The following MSRA variants were observed in gnomAD, a reference collection of about 807,000 sequenced individuals.
MSRA encodes methionine sulfoxide reductase A, also known as mitochondrial peptide methionine sulfoxide reductase.
In MSRA, 54 loss-of-function variants were observed where a neutral mutation model predicts 31.3. The ratio of observed to expected loss-of-function variants is 1.73; its 90% CI spans 1.39 to 2.17. The LOEUF (loss-of-function observed/expected upper bound fraction) is 2.17, where lower values mean the gene tolerates loss of function less well. Ranked by LOEUF, MSRA falls within the 30% of genes most tolerant of loss-of-function variation. MSRA has a pLI of 0.00. For synonymous variants in MSRA, 169 were observed against 116.5 expected (o/e 1.45, Z -2.90); for missense variants, 507 against 300.9 (o/e 1.69, Z -5.07).
At chr8:10,425,464 C>T (rs1226394901) in intron 5 of MSRA, among the ~76,000 whole-genome samples, 2 of 152,232 alleles carry the variant, frequency 1.3e-5, no homozygotes, top group African/African-American at 2.4e-5. Flanking sequence ...GGGAGGTGGG[C>T]AGTGGCGCTG....
At chr8:10,343,421 A>G (rs775511239) in intron 5 of MSRA, among the ~76,000 whole-genome samples, 29 of 152,220 alleles carry the variant, frequency 1.9e-4, no homozygotes, top group Non-Finnish European at 3.8e-4. Context: ...GTAGTATTGC[A>G]GTTGAATAAC....
chr8:10,250,655 G>A (rs1179844694), intron 3 of MSRA: 3 of 596,514 alleles, frequency 5.0e-6, no homozygotes, highest in Non-Finnish European at 9.0e-6. Flanking sequence ...CCAGGTGTGG[G>A]AAGAGCGGAG....
chr8:10,294,425 C>T (rs1030529822), intron 3 of MSRA, among the ~76,000 whole-genome samples: 2 of 152,068 alleles, frequency 1.3e-5, no homozygotes, highest in African/African-American at 2.4e-5. Context: ...CAGGACAGTC[C>T]CCTGAGGTGG....
intron 1 of MSRA, among the ~76,000 whole-genome samples, chr8:10,068,575 A>G (rs1797576048): frequency 6.6e-6 from 1 of 152,146 alleles, no homozygotes; most frequent in South Asian, 2.1e-4. Flanking sequence ...TCTTTTCTCC[A>G]TCGTATTGCC....
chr8:10,293,089 G>A (rs957595172), intron 3 of MSRA, among the ~76,000 whole-genome samples: 1 of 152,144 alleles, frequency 6.6e-6, no homozygotes. Flanking sequence ...CAGTAAAATG[G>A]ACATAGGAGC....
chr8:10,357,429 A>G (rs1003901869), intron 5 of MSRA, among the ~76,000 whole-genome samples: 2 of 152,186 alleles, frequency 1.3e-5, no homozygotes, highest in African/African-American at 4.8e-5. Context: ...GTCGTTTTCA[A>G]TAATATTATG....
chr8:10,370,918 G>C (rs1323824155), intron 5 of MSRA, among the ~76,000 whole-genome samples: 2 of 152,188 alleles, frequency 1.3e-5, no homozygotes, highest in African/African-American at 4.8e-5. Context: ...TTTTGTTCTG[G>C]GACGTGCTGT....
chr8:10,204,814 C>G (rs1437465236), intron 1 of MSRA, among the ~76,000 whole-genome samples: 1 of 152,192 alleles, frequency 6.6e-6, no homozygotes, highest in East Asian at 1.9e-4. Flanking sequence ...TTAACAAATA[C>G]TCATCAAATG....
intron 1 of MSRA, among the ~76,000 whole-genome samples, chr8:10,104,690 C>CTG (rs1352150969): frequency 6.6e-6 from 1 of 152,066 alleles, no homozygotes; most frequent in African/African-American, 2.4e-5. Flanking sequence ...GACTTAAGGT[C>CTG]TGTGTTGATA....
chr8:10,250,708 T>A, intron 3 of MSRA: 1 of 535,770 alleles, frequency 1.9e-6, no homozygotes, highest in Non-Finnish European at 3.3e-6. Context: ...GTGATGGAAC[T>A]GACTGTATGG....
intron 1 of MSRA, among the ~76,000 whole-genome samples, chr8:10,134,741 C>G (rs1802146742): frequency 6.6e-6 from 1 of 152,238 alleles, no homozygotes; most frequent in South Asian, 2.1e-4. Flanking sequence ...GGGCAGTCTT[C>G]TCCTATGGCA....
At chr8:10,185,435 A>G (rs1806947980) in intron 1 of MSRA, among the ~76,000 whole-genome samples, 1 of 152,110 alleles carries the variant, frequency 6.6e-6, no homozygotes. Context: ...GTGGGGTAAG[A>G]TGGACAACCC....
intron 4 of MSRA, among the ~76,000 whole-genome samples, chr8:10,311,771 G>C (rs988118778): frequency 6.6e-6 from 1 of 152,038 alleles, no homozygotes; most frequent in Admixed American, 6.5e-5. Context: ...AAAAAAACTA[G>C]CTGGGCATGG....
chr8:10,094,401 C>A (rs928814325), intron 1 of MSRA, among the ~76,000 whole-genome samples: 1 of 152,206 alleles, frequency 6.6e-6, no homozygotes, highest in Non-Finnish European at 1.5e-5. Context: ...GAAGATGACA[C>A]ATTTGATTGG....
chr8:10,087,284 C>T (rs539077827), intron 1 of MSRA, among the ~76,000 whole-genome samples: 34 of 152,230 alleles, frequency 2.2e-4, no homozygotes, highest in Admixed American at 6.5e-5. Flanking sequence ...CTTCCTGTGT[C>T]CCTGGGAGAG....
intron 1 of MSRA, among the ~76,000 whole-genome samples, chr8:10,112,360 A>AT (rs961720648): frequency 3.9e-5 from 6 of 152,232 alleles, no homozygotes; most frequent in Non-Finnish European, 8.8e-5. Context: ...CTGTTGGTAA[A>AT]TGAGATATAG....
chr8:10,270,938 C>G (rs1799002832), intron 3 of MSRA, among the ~76,000 whole-genome samples: 1 of 152,176 alleles, frequency 6.6e-6, no homozygotes, highest in Non-Finnish European at 1.5e-5. Flanking sequence ...GGCAGAAATG[C>G]TGAGCTGACA....
At chr8:10,164,723 C>T (rs1365207981) in intron 1 of MSRA, among the ~76,000 whole-genome samples, 1 of 152,128 alleles carries the variant, frequency 6.6e-6, no homozygotes, top group Non-Finnish European at 1.5e-5. Flanking sequence ...AATAGTCACC[C>T]TCAACCCTGG....
intron 2 of MSRA, among the ~76,000 whole-genome samples, chr8:10,230,689 CA>C (rs1811385870): frequency 6.6e-6 from 1 of 152,092 alleles, no homozygotes; most frequent in Non-Finnish European, 1.5e-5. Flanking sequence ...AACTGAAGAG[CA>C]AAAAGAAGAA....
Sources: gnomAD v4.1 joint callset for allele counts (sites outside exome capture counted in the v4.1 genomes callset) on GRCh38, gnomAD v4.1.1 for gene constraint, MANE v1.5 for transcripts, NCBI Gene and HGNC (gene_info 2026-07-23, HGNC 2026-07-21) for gene names.